FAT4: variants seen among roughly 807,000 people sequenced by gnomAD.
FAT4 encodes the protein FAT atypical cadherin 4.
FAT4 carries 84 observed loss-of-function variants against 303.9 expected under a neutral mutation model. The ratio of observed to expected loss-of-function variants is 0.28; its 90% CI spans 0.23 to 0.33. The LOEUF (loss-of-function observed/expected upper bound fraction) is 0.33, where lower values mean the gene tolerates loss of function less well. FAT4 is among the 10% of genes least tolerant of loss of function. FAT4 has a pLI of 1.00. For synonymous variants in FAT4, 2,307 were observed against 2,298.8 expected, an observed-to-expected ratio of 1.00 and a Z score of -0.10; for missense variants, 6,005 against 6,146.8, an observed-to-expected ratio of 0.98 and a Z score of 0.77.
At position 125,316,843 on chromosome 4, in the gene FAT4, C is replaced by A. The variant is rs770537616; in HGVS notation, c.432C>A (p.Phe144Leu). The part of the protein sequence containing the change: ...VFPDPSIVVT[F>L]KEDSSSGRQV... Reference sequence around the variant, plus strand: ...CGGACCCCTCTATCGTGGTCACTTTCAAGGAAGACAGTAGCAGCGGACGCC... The same window carrying A: ...CGGACCCCTCTATCGTGGTCACTTTAAAGGAAGACAGTAGCAGCGGACGCC... Residue 144 changes from phenylalanine to leucine, a missense_variant, in exon 2 of 18, where the codon TTC becomes TTA. Transcript: ENST00000394329. The surrounding 1 kb of genome is among the most constrained non-coding windows in gnomAD (Gnocchi z 5.7). The A allele has an allele frequency of 6.2e-7, 1 of 1,614,058 alleles. No homozygotes were observed. The highest frequency in any genetic ancestry group is 2.2e-5 in the East Asian group (1 of 44,866).
intron 2 of FAT4, among the ~76,000 whole-genome samples, chr4:125,331,228 T>C (rs1242014196): frequency 6.6e-6 from 1 of 152,198 alleles, no homozygotes; most frequent in East Asian, 1.9e-4. Context: ...GTTTCTGCTA[T>C]ATGCACAGCA....
intron 2 of FAT4, among the ~76,000 whole-genome samples, chr4:125,385,544 A>AG (rs1467328798): frequency 6.6e-6 from 1 of 152,194 alleles, no homozygotes; most frequent in Non-Finnish European, 1.5e-5. Context: ...CTAAAATCAA[A>AG]GTATCCCTTG....
At position 125,316,729 on chromosome 4, in the gene FAT4, C is replaced by T. The variant is rs1730617708; in HGVS notation, c.318C>T (p.Ile106=). The T allele has an allele frequency of 1.9e-6, 3 of 1,613,976 alleles. No homozygotes were observed. The highest frequency in any genetic ancestry group is 2.5e-6 in the Non-Finnish European group (3 of 1,180,024). ...IDRESLPSDV[I]NLVVLSSAPT... ...GCGAGAGCCTGCCCAGCGACGTGAT[C>T]AACCTGGTGGTCCTTTCCAGCGCGC... is the stretch of plus-strand genomic sequence containing the variant. The change falls in exon 2 of 18, where the codon ATC becomes ATT. Residue 106 remains isoleucine (I), a synonymous_variant. Transcript: ENST00000394329. The surrounding 1 kb of genome is among the most constrained non-coding windows in gnomAD (Gnocchi z 5.7).
At chr4:125,489,868 T>TTTTTG in intron 17 of FAT4, 33 bp from the exon 18 acceptor site, 1 of 1,004,880 alleles carries the variant, frequency 1.0e-6, no homozygotes, top group Non-Finnish European at 1.3e-6. Flanking sequence ...TTTTTTTTTT[T>TTTTTG]GTAAAAAGCC....
At chr4:125,352,742 G>T (rs1732275335) in intron 2 of FAT4, among the ~76,000 whole-genome samples, 1 of 151,160 alleles carries the variant, frequency 6.6e-6, no homozygotes, top group African/African-American at 2.4e-5. Context: ...TCTTTGTAGG[G>T]CTAGCACGCA....
At chr4:125,472,188 A>G (rs1726888602) in intron 12 of FAT4, among the ~76,000 whole-genome samples, 2 of 152,054 alleles carry the variant, frequency 1.3e-5, no homozygotes, top group Admixed American at 1.3e-4. Flanking sequence ...AAACAACAAA[A>G]TAAGTGCCCT....
chr4:125,387,696 G>A (rs1733807739), intron 2 of FAT4, among the ~76,000 whole-genome samples: 2 of 152,076 alleles, frequency 1.3e-5, no homozygotes, highest in African/African-American at 4.8e-5. Flanking sequence ...ATATAGGGTA[G>A]GAAAAGGTAT....
At chr4:125,461,021 A>G (rs1353026714) in intron 10 of FAT4, among the ~76,000 whole-genome samples, 1 of 152,114 alleles carries the variant, frequency 6.6e-6, no homozygotes, top group Non-Finnish European at 1.5e-5. Flanking sequence ...TTTAAGTTTT[A>G]TAGGAAATTC....
Position 125,372,404 on chromosome 4 carries a change from A to G in FAT4, c.5176-26380A>G, listed in dbSNP as rs554109170. Among the ~76,000 whole-genome samples the G allele has an allele frequency of 5.3e-5, 8 of 152,184 alleles. No homozygotes were observed. In the East Asian group the frequency reaches 1.4e-3, roughly 26 times the overall value. On this transcript the variant is annotated intron_variant, in intron 2 of 17. Transcript: ENST00000394329. ...AGATGGATCAACAAAAGTGATATCAATAGTAATGACACTAATAACAAAAAA... is the reference window on the plus strand; with the variant it reads ...AGATGGATCAACAAAAGTGATATCAGTAGTAATGACACTAATAACAAAAAA...
intron 2 of FAT4, among the ~76,000 whole-genome samples, chr4:125,355,764 G>A (rs1008993491): frequency 3.3e-5 from 5 of 151,732 alleles, no homozygotes; most frequent in African/African-American, 1.2e-4. Flanking sequence ...TTGGAGAAGG[G>A]GTTGCTTGGT....
intron 2 of FAT4, among the ~76,000 whole-genome samples, chr4:125,339,218 C>G (rs1731682302): frequency 1.3e-5 from 2 of 152,092 alleles, no homozygotes; most frequent in South Asian, 4.1e-4. Flanking sequence ...GGCTGGAGTA[C>G]AGTGGCACGA....
At chr4:125,353,100 A>T (rs779625436) in intron 2 of FAT4, among the ~76,000 whole-genome samples, 38 of 151,772 alleles carry the variant, frequency 2.5e-4, no homozygotes, top group Non-Finnish European at 3.8e-4. Flanking sequence ...TCCAAAGGAA[A>T]CATTGTTAAT....
rs188299667 is a variant in FAT4, at chr4:125,407,812, T to G, written c.5570-632T>G. 3.1e-3 allele frequency among the ~76,000 whole-genome samples: 479 copies of G among 152,264 alleles called. 1 individual carries two copies. The highest frequency in any genetic ancestry group is 4.1e-3 in the Non-Finnish European group (279 of 67,988). ...GTGTGTGTGTATGCTTCATTCCCAT[T>G]ATTGGAAATTTTTATGTAAAATTAA... On this transcript the variant is annotated intron_variant, in intron 4 of 17. Transcript: ENST00000394329.
rs545746281 is a variant in FAT4 at position 125,350,555 on chromosome 4, C to A, written c.5175+28969C>A. 2.6e-5 allele frequency among the ~76,000 whole-genome samples: 4 copies of A among 151,770 alleles called. No homozygotes were observed. In the South Asian group the frequency reaches 8.3e-4, roughly 32 times the overall value. On this transcript the variant is annotated intron_variant, in intron 2 of 17. Transcript: ENST00000394329. ...GGAAGTATGTGTTGTATAGTCAGTG[C>A]TTCAGAGTTGGTAGATTTTGCTTTT...
chr4:125,460,692 G>A (rs1423708985), intron 10 of FAT4, among the ~76,000 whole-genome samples: 9 of 152,130 alleles, frequency 5.9e-5, no homozygotes, highest in East Asian at 1.9e-4. Flanking sequence ...TCATTTATCA[G>A]CATTTAGGTT....
intron 2 of FAT4, among the ~76,000 whole-genome samples, chr4:125,340,022 T>C (rs1442879637): frequency 6.6e-6 from 1 of 152,092 alleles, no homozygotes. Flanking sequence ...AGTTTGAATA[T>C]AGAAGCAGGA....
At chr4:125,425,718 G>T (rs1313803955) in intron 7 of FAT4, among the ~76,000 whole-genome samples, 1 of 152,032 alleles carries the variant, frequency 6.6e-6, no homozygotes, top group African/African-American at 2.4e-5. Flanking sequence ...CATTGAATTT[G>T]GGGGTAGGAG....
At chr4:125,452,938 A>T (rs546793143) in intron 10 of FAT4, 128 bp downstream of exon 10, 1 of 1,199,166 alleles carries the variant, frequency 8.3e-7, no homozygotes, top group Non-Finnish European at 1.2e-6. Flanking sequence ...GTTTTTAAAC[A>T]TTTACTGTTG....
intron 10 of FAT4, among the ~76,000 whole-genome samples, chr4:125,455,972 A>G: frequency 6.6e-6 from 1 of 152,198 alleles, no homozygotes. Context: ...CATGGCAGGC[A>G]TTGCAAGACA....
Sources: allele counts gnomAD v4.1 joint callset (sites outside exome capture counted in the v4.1 genomes callset), GRCh38; gene constraint gnomAD v4.1.1; non-coding constraint Gnocchi (gnomAD v3.1); transcripts MANE v1.5; gene names NCBI Gene and HGNC (gene_info 2026-07-23, HGNC 2026-07-21).